The following MPHOSPH8 variants were observed in gnomAD, a reference collection of about 807,000 sequenced individuals.
MPHOSPH8 encodes the protein M-phase phosphoprotein 8, also known as M-phase phosphoprotein, mpp.
Under a neutral mutation model 87.3 loss-of-function variants are expected in MPHOSPH8, and 45 were observed. That is an observed-to-expected ratio of 0.52 (90% CI 0.41 to 0.66). The LOEUF (loss-of-function observed/expected upper bound fraction) is 0.66, where lower values mean the gene tolerates loss of function less well. Ranked by LOEUF, MPHOSPH8 falls within the 30% of genes least tolerant of loss-of-function variation. The probability of loss-of-function intolerance (pLI) is 0.00; values close to 1 mark genes in which losing one functional copy is unlikely to be tolerated. For missense variants in MPHOSPH8, 883 were observed against 1,020.2 expected (o/e 0.87, Z 1.83); for synonymous variants, 366 against 376.9 (o/e 0.97, Z 0.33).
chr13:19,643,092 T>A (rs1298374303), intron 2 of MPHOSPH8, among the ~76,000 whole-genome samples: 7 of 152,222 alleles, frequency 4.6e-5, no homozygotes, highest in African/African-American at 1.7e-4. Flanking sequence ...AACATCGTAG[T>A]ATTTTTAGCT....
chr13:19,634,103 G>A, intron 1 of MPHOSPH8, 142 bp downstream of exon 1: 1 of 900,214 alleles, frequency 1.1e-6, no homozygotes, highest in Non-Finnish European at 1.7e-6. Flanking sequence ...GCGAAATCGT[G>A]GGAAAAGCGA....
chr13:19,635,891 C>T (rs1873980802), intron 1 of MPHOSPH8, among the ~76,000 whole-genome samples: 1 of 152,096 alleles, frequency 6.6e-6, no homozygotes, highest in Admixed American at 6.5e-5. Flanking sequence ...GGAGTGGTTT[C>T]GCCCATGCTG....
chr13:19,668,900 G>A (rs1379657209), intron 11 of MPHOSPH8, among the ~76,000 whole-genome samples: 1 of 152,166 alleles, frequency 6.6e-6, no homozygotes, highest in East Asian at 1.9e-4. Context: ...GTAAAGCTGA[G>A]TGGAAAGAGA....
chr13:19,664,755 T>G (rs947020583), intron 9 of MPHOSPH8, among the ~76,000 whole-genome samples: 2 of 151,782 alleles, frequency 1.3e-5, no homozygotes, highest in Non-Finnish European at 2.9e-5. Context: ...CTGGGGGAGT[T>G]GGGCGTTGGG....
intron 5 of MPHOSPH8, among the ~76,000 whole-genome samples, chr13:19,656,255 GA>G (rs1875159172): frequency 8.0e-6 from 1 of 124,532 alleles, no homozygotes; most frequent in Non-Finnish European, 1.6e-5. Context: ...CTTCAGCCTG[GA>G]CGACAGAGCA....
chr13:19,652,934 G>A (rs908604678), intron 5 of MPHOSPH8, among the ~76,000 whole-genome samples: 5 of 152,140 alleles, frequency 3.3e-5, no homozygotes, highest in Non-Finnish European at 5.9e-5. Context: ...CCACAGTCAG[G>A]GTCTTGTAGA....
At chr13:19,650,669 C>G (rs535885733) in intron 5 of MPHOSPH8, among the ~76,000 whole-genome samples, 1 of 152,178 alleles carries the variant, frequency 6.6e-6, no homozygotes, top group South Asian at 2.1e-4. Flanking sequence ...GTCCTGAGGA[C>G]ATTGGAGCTG....
At chr13:19,642,742 T>C (rs1384077312) in intron 2 of MPHOSPH8, among the ~76,000 whole-genome samples, 1 of 151,948 alleles carries the variant, frequency 6.6e-6, no homozygotes, top group Non-Finnish European at 1.5e-5. Context: ...ATTAAGAGAA[T>C]GATTCTCATG....
chr13:19,633,674 C>A lies in MPHOSPH8; in HGVS notation c.-75C>A. 7 of 1,497,084 alleles carry A rather than the reference C, an allele frequency of 4.7e-6. No homozygotes were observed. In the South Asian group the frequency reaches 6.1e-5, roughly 13 times the overall value. 92.7% of individuals were successfully genotyped at this position (1,497,084 alleles called of 1,614,324 possible). On this transcript the variant is annotated 5_prime_UTR_variant, in exon 1 of 14. Coordinates refer to ENST00000361479, the MANE Select transcript of MPHOSPH8 (RefSeq NM_017520.4). ...TTACGCCGCTGATGTGGAGTAGGGC[C>A]GAGCGCGGAACGCGAGGGGCTGCTG...
At chr13:19,654,276 AAGG>A (rs1875030638) in intron 5 of MPHOSPH8, among the ~76,000 whole-genome samples, 1 of 152,192 alleles carries the variant, frequency 6.6e-6, no homozygotes. Flanking sequence ...GTAGTTGAAC[AAGG>A]AGAACACATG....
chr13:19,661,941 A>G, intron 8 of MPHOSPH8, 103 bp downstream of exon 8: 1 of 1,296,716 alleles, frequency 7.7e-7, no homozygotes, highest in Non-Finnish European at 1.0e-6. Context: ...ACATGGTCAC[A>G]TCGCTTTTTT....
chr13:19,637,577 G>A (rs941357609), intron 1 of MPHOSPH8, among the ~76,000 whole-genome samples: 1 of 151,744 alleles, frequency 6.6e-6, no homozygotes, highest in East Asian at 2.0e-4. Flanking sequence ...CACCCGCCTC[G>A]GCCTCCCAAA....
At position 19,672,080 on chromosome 13, in the gene MPHOSPH8, G is replaced by A; in HGVS notation, c.*205G>A. 1 of 567,400 alleles carries A rather than the reference G, an allele frequency of 1.8e-6. No homozygotes were observed. The highest frequency in any genetic ancestry group is 3.1e-6 in the Non-Finnish European group (1 of 318,364). 35.1% of individuals were successfully genotyped at this position (567,400 alleles called of 1,614,324 possible). On this transcript the variant is annotated 3_prime_UTR_variant, in exon 14 of 14. Coordinates refer to ENST00000361479, the MANE Select transcript of MPHOSPH8 (RefSeq NM_017520.4). The stretch of plus-strand genomic sequence containing the variant: ...GGAATCTCAGTGCAGTGTCCAGACT[G>A]CGTATTTCAGTTTTTCCACAATGTG...
chr13:19,672,077 A>C lies in MPHOSPH8; in HGVS notation c.*202A>C, dbSNP rs146846590. The stretch of plus-strand genomic sequence containing the variant: ...GCCGGAATCTCAGTGCAGTGTCCAG[A>C]CTGCGTATTTCAGTTTTTCCACAAT... On this transcript the variant is annotated 3_prime_UTR_variant, in exon 14 of 14. Transcript: ENST00000361479. 1.7e-6 allele frequency: 1 copy of C among 574,760 alleles called. No homozygotes were observed. The highest frequency in any genetic ancestry group is 3.1e-6 in the Non-Finnish European group (1 of 322,848). The allele number at this position is 574,760 out of a possible 1,614,324, so 35.6% of individuals were successfully genotyped here.
At chr13:19,644,640 A>G (rs1022991131) in intron 2 of MPHOSPH8, among the ~76,000 whole-genome samples, 4 of 152,232 alleles carry the variant, frequency 2.6e-5, no homozygotes, top group Non-Finnish European at 4.4e-5. Flanking sequence ...AGAGTTTGCA[A>G]CCCACCTCTG....
chr13:19,647,236 GC>G lies in MPHOSPH8; in HGVS notation c.1165del (p.Arg389GlyfsTer3). The G allele has an allele frequency of 6.2e-7, 1 of 1,613,328 alleles. No homozygotes were observed. The highest frequency in any genetic ancestry group is 1.1e-5 in the South Asian group (1 of 90,982). On this transcript the variant is annotated frameshift_variant, in exon 3 of 14. Transcript: ENST00000361479. LOFTEE classifies it high-confidence loss of function. ...CCTGTATCTGCCCAAACGCCAAAGGGCCGGAGGTTGAGCGGGGAAGAGAGAG... is the reference window on the plus strand; with the variant it reads ...CCTGTATCTGCCCAAACGCCAAAGGGCGGAGGTTGAGCGGGGAAGAGAGAG... The part of the protein sequence containing the change: ...LMPVSAQTPK[G>X]RRLSGEERGL...
At chr13:19,669,954 A>G (rs1014942969) in intron 11 of MPHOSPH8, among the ~76,000 whole-genome samples, 6 of 152,230 alleles carry the variant, frequency 3.9e-5, no homozygotes, top group African/African-American at 1.4e-4. Flanking sequence ...GCAGTGTTTA[A>G]ATACCAGTTA....
intron 13 of MPHOSPH8, 136 bp downstream of exon 13, chr13:19,671,425 T>TA (rs1305700352): frequency 2.6e-5 from 18 of 695,624 alleles, no homozygotes; most frequent in Non-Finnish European, 4.4e-5. Flanking sequence ...GTAGTGATGC[T>TA]AGGTGCACCC....
intron 13 of MPHOSPH8, 140 bp downstream of exon 13, chr13:19,671,429 T>C (rs574536091): frequency 4.4e-6 from 3 of 685,550 alleles, no homozygotes; most frequent in Non-Finnish European, 7.5e-6. Flanking sequence ...TGATGCTAGG[T>C]GCACCCTCTC....
Sources: allele counts gnomAD v4.1 joint callset (sites outside exome capture counted in the v4.1 genomes callset), GRCh38; gene constraint gnomAD v4.1.1; transcripts MANE v1.5; gene names NCBI Gene and HGNC (gene_info 2026-07-23, HGNC 2026-07-21).